Variants in ARMC3 observed in about 807,000 individuals in gnomAD.
The protein encoded by ARMC3 is armadillo repeat containing 3.
In ARMC3, 74 loss-of-function variants were observed where a neutral mutation model predicts 90.3. The observed-to-expected ratio is 0.82, with a 90% CI of 0.68 to 0.99. The LOEUF (loss-of-function observed/expected upper bound fraction) is 0.99, where lower values mean the gene tolerates loss of function less well. Ranked by LOEUF, ARMC3 falls within the 50% of genes least tolerant of loss-of-function variation. ARMC3 has a pLI of 0.00. For synonymous variants in ARMC3, 334 were observed against 361.8 expected (o/e 0.92, Z 0.87); for missense variants, 958 against 1,042.8 (o/e 0.92, Z 1.12).
intron 8 of ARMC3, among the ~76,000 whole-genome samples, chr10:22,975,816 G>A (rs998989337): frequency 6.6e-6 from 1 of 151,958 alleles, no homozygotes; most frequent in African/African-American, 2.4e-5. Flanking sequence ...ACTATACTTT[G>A]GATTCTTGTT....
intron 2 of ARMC3, 122 bp from the exon 3 acceptor site, chr10:22,946,022 T>C (rs757735809): frequency 5.6e-5 from 35 of 628,658 alleles, no homozygotes; most frequent in African/African-American, 1.5e-4. Flanking sequence ...AGTGCACTTA[T>C]TGGGCAGTGA....
rs372574174 is a variant in ARMC3 at position 23,033,007 on chromosome 10, G to A, written c.2393G>A (p.Arg798Gln). ...GTCAAAAAAGGAATCTTCTACCATC[G>A]AGCTTTGCTTTTCAAGGTGTGTAAG... ...GHVKKGIFYHRALLFKALADR... is the reference protein window; with the variant it reads ...GHVKKGIFYHQALLFKALADR... The change falls in exon 18 of 19, where the codon CGA becomes CAA. Residue 798 changes from arginine to glutamine, a missense_variant. Coordinates refer to ENST00000298032, the MANE Select transcript of ARMC3 (RefSeq NM_173081.5). 26 of 1,612,244 alleles carry A rather than the reference G, an allele frequency of 1.6e-5. No homozygotes were observed. The highest frequency in any genetic ancestry group is 2.0e-5 in the Non-Finnish European group (24 of 1,179,090).
At chr10:22,928,247 G>C (rs545486870) in intron 1 of ARMC3, 141 bp downstream of exon 1, 1 of 152,318 alleles carries the variant, frequency 6.6e-6, no homozygotes, top group South Asian at 2.1e-4. Context: ...TCTGCCTCGC[G>C]CCCGCAGGGT....
intron 2 of ARMC3, among the ~76,000 whole-genome samples, chr10:22,943,239 T>C (rs181969377): frequency 1.0e-3 from 152 of 152,334 alleles, no homozygotes; most frequent in Middle Eastern, 6.8e-3. Flanking sequence ...TTTACCCTAG[T>C]GATGTTTATT....
chr10:22,974,803 C>T (rs12359749), intron 8 of ARMC3, among the ~76,000 whole-genome samples: 30,286 of 151,892 alleles, frequency 0.2, 3,236 homozygotes, highest in African/African-American at 0.27. Flanking sequence ...CCATCATGCT[C>T]ATCTAATTTT....
At chr10:22,995,384 C>A (rs1836901758) in intron 10 of ARMC3, among the ~76,000 whole-genome samples, 1 of 151,924 alleles carries the variant, frequency 6.6e-6, no homozygotes, top group Non-Finnish European at 1.5e-5. Context: ...CTCAATTATT[C>A]TTTTTAGACT....
chr10:23,031,594 A>T (rs1220458189), intron 17 of ARMC3, among the ~76,000 whole-genome samples: 1 of 152,232 alleles, frequency 6.6e-6, no homozygotes, highest in Non-Finnish European at 1.5e-5. Flanking sequence ...GAACTGGAAG[A>T]GAACATTTTT....
At chr10:23,027,931 A>G (rs531008790) in intron 16 of ARMC3, among the ~76,000 whole-genome samples, 14 of 152,246 alleles carry the variant, frequency 9.2e-5, no homozygotes, top group Admixed American at 8.5e-4. Flanking sequence ...GCTTGAGCTC[A>G]GGAGTTGGAG....
At position 22,977,037 on chromosome 10, in the gene ARMC3, G is replaced by A. The variant is rs368964348; in HGVS notation, c.917-4303G>A. On this transcript the variant is annotated intron_variant, in intron 8 of 18. Coordinates refer to ENST00000298032, the MANE Select transcript of ARMC3 (RefSeq NM_173081.5). ...TCTTCCTCAGAAACTCTCCCTTGTGGTCTGGATTGTATAACTTTGTTCGAC... is the reference window on the plus strand; with the variant it reads ...TCTTCCTCAGAAACTCTCCCTTGTGATCTGGATTGTATAACTTTGTTCGAC... Among the ~76,000 whole-genome samples, 5 of 152,226 alleles carry A rather than the reference G, an allele frequency of 3.3e-5. No homozygotes were observed. The South Asian group carries it at 6.2e-4, about 19-fold the overall frequency.
chr10:23,003,163 G>A (rs1367712498), intron 12 of ARMC3, 83 bp from the exon 13 acceptor site: 1 of 1,262,300 alleles, frequency 7.9e-7, no homozygotes, highest in Non-Finnish European at 1.1e-6. Context: ...TCTTCCTTCA[G>A]GATCTGAAGT....
rs551414037 is a variant in ARMC3, at chr10:23,006,438, G to T, written c.1732-446G>T. Among the ~76,000 whole-genome samples, 101 of 152,336 alleles carry T rather than the reference G, an allele frequency of 6.6e-4. 1 individual carries two copies. Among genetic ancestry groups the T allele is most frequent in the African/African-American group, 2.2e-3 (91 of 41,578 alleles). Reference sequence around the variant, plus strand: ...ACTTAATTGGAAAAAGATCTCAAAAGTGATCTAGTCTAGCCCTCTTCCTCC... The same window carrying T: ...ACTTAATTGGAAAAAGATCTCAAAATTGATCTAGTCTAGCCCTCTTCCTCC... On this transcript the variant is annotated intron_variant, in intron 13 of 18. Transcript: ENST00000298032.
intron 4 of ARMC3, among the ~76,000 whole-genome samples, chr10:22,957,345 C>T (rs1319949604): frequency 2.0e-5 from 3 of 152,184 alleles, no homozygotes; most frequent in Non-Finnish European, 4.4e-5. Context: ...TGTGCCATTA[C>T]AGCCTCAGCT....
At chr10:22,972,869 T>C (rs1007819411) in intron 8 of ARMC3, among the ~76,000 whole-genome samples, 9 of 152,240 alleles carry the variant, frequency 5.9e-5, no homozygotes, top group African/African-American at 2.2e-4. Context: ...TTCAGTCTTA[T>C]GCAGCAAGTA....
chr10:23,008,502 T>A, intron 15 of ARMC3, 128 bp downstream of exon 15: 2 of 652,538 alleles, frequency 3.1e-6, no homozygotes, highest in South Asian at 3.7e-5. Flanking sequence ...ATTGCATAAT[T>A]GCCTTTTACA....
At chr10:23,012,671 C>T (rs893205230) in intron 16 of ARMC3, among the ~76,000 whole-genome samples, 1 of 152,128 alleles carries the variant, frequency 6.6e-6, no homozygotes, top group African/African-American at 2.4e-5. Context: ...TCTCATTTAT[C>T]CCCAATATGG....
At chr10:22,934,973 T>C (rs2131133836) in intron 2 of ARMC3, among the ~76,000 whole-genome samples, 1 of 152,208 alleles carries the variant, frequency 6.6e-6, no homozygotes, top group South Asian at 2.1e-4. Flanking sequence ...TGATTTACGG[T>C]CAGATCTTTG....
Position 22,984,659 on chromosome 10 carries a change from C to G in ARMC3, c.1175+2959C>G, listed in dbSNP as rs74703894. Among the ~76,000 whole-genome samples, 1,001 of 152,230 alleles carry G rather than the reference C, an allele frequency of 6.6e-3. 7 individuals are homozygous for G. The highest frequency in any genetic ancestry group is 0.023 in the African/African-American group (962 of 41,514). On this transcript the variant is annotated intron_variant, in intron 10 of 18. Transcript: ENST00000298032. ...ATCATAAATAAATAATCAGACCATT[C>G]ATAGCCCTATGTAGAAGATTTTCAA...
intron 11 of ARMC3, among the ~76,000 whole-genome samples, chr10:22,999,157 A>G (rs1376108089): frequency 6.6e-6 from 1 of 152,152 alleles, no homozygotes; most frequent in African/African-American, 2.4e-5. Context: ...TTTCTCTTAT[A>G]TTTCTTATTT....
intron 18 of ARMC3, among the ~76,000 whole-genome samples, chr10:23,034,899 C>T (rs1839065312): frequency 6.6e-6 from 1 of 152,174 alleles, no homozygotes; most frequent in Admixed American, 6.5e-5. Context: ...TTTCCTTCAT[C>T]CTTCAAACCT....
Sources: allele counts gnomAD v4.1 joint callset (sites outside exome capture counted in the v4.1 genomes callset), GRCh38; gene constraint gnomAD v4.1.1; transcripts MANE v1.5; gene names NCBI Gene and HGNC (gene_info 2026-07-23, HGNC 2026-07-21).